The following VWA2 variants were observed in gnomAD, a reference collection of about 807,000 sequenced individuals.
The protein encoded by VWA2 is von Willebrand factor A domain containing 2.
In VWA2, 73 loss-of-function variants were observed where a neutral mutation model predicts 70.4. The observed-to-expected ratio is 1.04, with a 90% CI of 0.86 to 1.26. VWA2 has a LOEUF of 1.26. Among genes scored for constraint, VWA2 ranks in the 50% most tolerant of loss-of-function variants. VWA2 has a pLI of 0.00. For missense variants in VWA2, 1,011 were observed against 998.5 expected, an observed-to-expected ratio of 1.01 and a Z score of -0.17; for synonymous variants, 407 against 423.3, an observed-to-expected ratio of 0.96 and a Z score of 0.47.
intron 5 of VWA2, among the ~76,000 whole-genome samples, chr10:114,264,927 C>T (rs1230396559): frequency 6.6e-6 from 1 of 151,760 alleles, no homozygotes; most frequent in Non-Finnish European, 1.5e-5. Flanking sequence ...GCCATGTTGG[C>T]TAGGCTGGTC....
intron 1 of VWA2, among the ~76,000 whole-genome samples, chr10:114,248,126 C>T (rs1252713988): frequency 6.7e-6 from 1 of 150,248 alleles, no homozygotes; most frequent in East Asian, 1.9e-4. Flanking sequence ...AAAAAAAAGT[C>T]CTCTTCCTTC....
chr10:114,278,680 TG>T (rs1167123897), intron 7 of VWA2, 38 bp from the exon 8 acceptor site: 6 of 1,608,328 alleles, frequency 3.7e-6, no homozygotes, highest in Non-Finnish European at 5.1e-6. Context: ...GGTGGAACCC[TG>T]TCTCCTCCGT....
At chr10:114,255,229 C>CTT (rs376033907) in intron 4 of VWA2, among the ~76,000 whole-genome samples, 181 bp downstream of exon 4, 2 of 142,870 alleles carry the variant, frequency 1.4e-5, no homozygotes, top group African/African-American at 2.6e-5. Flanking sequence ...GCATCTTTTT[C>CTT]TTTTTTTTTT....
At chr10:114,284,804 A>G (rs1375292376) in intron 9 of VWA2, 59 bp from the exon 10 acceptor site, 1 of 1,504,210 alleles carries the variant, frequency 6.6e-7, no homozygotes, top group African/African-American at 1.4e-5. Context: ...ACCTCTGGCC[A>G]GTCCTCTCCA....
At chr10:114,255,396 G>T (rs982452069) in intron 4 of VWA2, among the ~76,000 whole-genome samples, 10 of 152,166 alleles carry the variant, frequency 6.6e-5, no homozygotes, top group South Asian at 2.1e-4. Context: ...TCCCAGGAGG[G>T]TTCTGATTGG....
At chr10:114,277,036 A>G (rs1378185365) in intron 6 of VWA2, among the ~76,000 whole-genome samples, 1 of 152,128 alleles carries the variant, frequency 6.6e-6, no homozygotes, top group Non-Finnish European at 1.5e-5. Context: ...ATGTGCATTC[A>G]GAGGAGAATG....
At chr10:114,255,840 G>A (rs1452464099) in intron 4 of VWA2, among the ~76,000 whole-genome samples, 10 of 151,764 alleles carry the variant, frequency 6.6e-5, no homozygotes, top group Non-Finnish European at 1.5e-4. Flanking sequence ...AATGAAACAC[G>A]CAAGGCCTTC....
At chr10:114,269,206 C>T (rs140002667) in intron 5 of VWA2, among the ~76,000 whole-genome samples, 4 of 152,306 alleles carry the variant, frequency 2.6e-5, no homozygotes, top group Non-Finnish European at 5.9e-5. Flanking sequence ...AGTGGGCAGC[C>T]TGGGCTCTCA....
chr10:114,250,116 C>A (rs1471395818), intron 2 of VWA2, among the ~76,000 whole-genome samples: 1 of 152,238 alleles, frequency 6.6e-6, no homozygotes, highest in Non-Finnish European at 1.5e-5. Flanking sequence ...CTTCAAACCC[C>A]TTGTAGACCT....
intron 8 of VWA2, 74 bp downstream of exon 8, chr10:114,278,925 A>C: frequency 2.5e-6 from 4 of 1,586,408 alleles, no homozygotes; most frequent in Non-Finnish European, 8.6e-7. Context: ...GGAGGATAGT[A>C]CTTTGGGGCC....
At chr10:114,273,477 G>A (rs968510767) in intron 6 of VWA2, among the ~76,000 whole-genome samples, 6 of 152,110 alleles carry the variant, frequency 3.9e-5, no homozygotes, top group African/African-American at 1.4e-4. Flanking sequence ...CCACTCTTGG[G>A]GCCAAGGGAG....
intron 5 of VWA2, among the ~76,000 whole-genome samples, chr10:114,267,669 T>G (rs374160951): frequency 4.6e-5 from 7 of 151,884 alleles, no homozygotes; most frequent in African/African-American, 1.5e-4. Flanking sequence ...CTCAAATTCC[T>G]GACCTCAGGT....
intron 1 of VWA2, among the ~76,000 whole-genome samples, chr10:114,239,867 A>G (rs530128579): frequency 2.0e-5 from 3 of 152,314 alleles, no homozygotes; most frequent in African/African-American, 7.2e-5. Flanking sequence ...GGGTGCGGTC[A>G]GCAGGTAAGT....
intron 13 of VWA2, 77 bp from the exon 14 acceptor site, chr10:114,291,140 AG>A (rs1310096124): frequency 8.6e-6 from 13 of 1,505,090 alleles, no homozygotes; most frequent in Non-Finnish European, 1.2e-5. Context: ...CAGGACCTGA[AG>A]GGGTCCTCAG....
chr10:114,278,868 T>C lies in VWA2; in HGVS notation c.833+17T>C. 3 of 1,612,002 alleles carry C rather than the reference T, an allele frequency of 1.9e-6. No homozygotes were observed. Among genetic ancestry groups the C allele is most frequent in the Non-Finnish European group, 2.5e-6 (3 of 1,179,894 alleles). ...CTTCTACAGGTTTGTCTGCGCGGTC[T>C]GGGCTCGGCCTGGGTGGAGATGAAG... On this transcript the variant is annotated intron_variant, in intron 8 of 13. Transcript: ENST00000392982.
At chr10:114,242,508 A>G (rs11597476) in intron 1 of VWA2, among the ~76,000 whole-genome samples, 23,893 of 151,276 alleles carry the variant, frequency 0.16, 2,028 homozygotes, top group Middle Eastern at 0.21. Context: ...CCTGTGTACC[A>G]GTAAATCTGT....
chr10:114,262,620 G>T (rs1052812499), intron 5 of VWA2, among the ~76,000 whole-genome samples: 7 of 152,040 alleles, frequency 4.6e-5, no homozygotes, highest in African/African-American at 7.2e-5. Context: ...GCCTCTGTAG[G>T]TCTACCAGTG....
chr10:114,270,847 AG>A (rs1306082426), intron 5 of VWA2, among the ~76,000 whole-genome samples: 1 of 152,140 alleles, frequency 6.6e-6, no homozygotes, highest in Non-Finnish European at 1.5e-5. Context: ...TTCTTTGATA[AG>A]CCCATTGCCC....
At chr10:114,263,127 C>T (rs1248408666) in intron 5 of VWA2, among the ~76,000 whole-genome samples, 3 of 151,768 alleles carry the variant, frequency 2.0e-5, no homozygotes, top group Non-Finnish European at 4.4e-5. Context: ...GCCATCCTCC[C>T]ACCTCAGCCT....
Sources: gnomAD v4.1 joint callset for allele counts (sites outside exome capture counted in the v4.1 genomes callset) on GRCh38, gnomAD v4.1.1 for gene constraint, MANE v1.5 for transcripts, NCBI Gene and HGNC (gene_info 2026-07-23, HGNC 2026-07-21) for gene names.